Variants in PCDH15 observed in about 807,000 individuals in gnomAD.
PCDH15 encodes protocadherin-15.
PCDH15 carries 129 observed loss-of-function variants against 178.5 expected under a neutral mutation model. The observed-to-expected ratio is 0.72, with a 90% confidence interval of 0.63 to 0.84. The LOEUF is 0.84. PCDH15 is among the 40% of genes least tolerant of loss of function. The probability of loss-of-function intolerance (pLI) is 0.00; values close to 1 mark genes in which losing one functional copy is unlikely to be tolerated. For missense variants in PCDH15, 2,230 were observed against 2,099.9 expected (o/e 1.06, Z -1.21); for synonymous variants, 800 against 732.0 (o/e 1.09, Z -1.50).
At chr10:54,076,630 A>C (rs2094346986) in intron 17 of PCDH15, among the ~76,000 whole-genome samples, 1 of 152,144 alleles carries the variant, frequency 6.6e-6, no homozygotes, top group Non-Finnish European at 1.5e-5. Flanking sequence ...AGCTAAAAAA[A>C]AAATAAATTA....
At chr10:53,868,659 T>C (rs946146096) in intron 26 of PCDH15, among the ~76,000 whole-genome samples, 16 of 152,162 alleles carry the variant, frequency 1.1e-4, no homozygotes, top group African/African-American at 3.9e-4. Flanking sequence ...AGCAAATGTG[T>C]ATTAAATACA....
At chr10:54,932,256 T>G (rs1032579992) in intron 2 of PCDH15, among the ~76,000 whole-genome samples, 1 of 152,174 alleles carries the variant, frequency 6.6e-6, no homozygotes, top group Admixed American at 6.6e-5. Context: ...AACTTTCTAG[T>G]GGGATAAGAT....
At chr10:53,967,743 T>C (rs1315784137) in intron 21 of PCDH15, among the ~76,000 whole-genome samples, 1 of 152,194 alleles carries the variant, frequency 6.6e-6, no homozygotes, top group Non-Finnish European at 1.5e-5. Flanking sequence ...AATATGAAAA[T>C]TTTAAATATT....
At chr10:54,974,597 T>G (rs1839019816) in intron 2 of PCDH15, among the ~76,000 whole-genome samples, 1 of 152,062 alleles carries the variant, frequency 6.6e-6, no homozygotes, top group African/African-American at 2.4e-5. Flanking sequence ...TTTTACTTTC[T>G]TAACATTGAA....
intron 21 of PCDH15, among the ~76,000 whole-genome samples, chr10:53,965,128 G>A (rs1011544243): frequency 4.0e-5 from 6 of 150,316 alleles, no homozygotes; most frequent in African/African-American, 1.2e-4. Context: ...CACGATCTCC[G>A]CTCACTGCAA....
intron 1 of PCDH15, among the ~76,000 whole-genome samples, chr10:54,729,184 A>C (rs886740058): frequency 7.2e-5 from 11 of 151,778 alleles, no homozygotes; most frequent in Non-Finnish European, 1.5e-4. Context: ...ACAAGGCAAT[A>C]ATAACCAGAA....
chr10:55,077,406 C>CCTTCCTTA (rs1841925271), intron 2 of PCDH15, among the ~76,000 whole-genome samples: 1 of 41,584 alleles, frequency 2.4e-5, no homozygotes, highest in Admixed American at 2.5e-4. Flanking sequence ...TCTCTTCCTT[C>CCTTCCTTA]CTTCCTTCCT....
intron 2 of PCDH15, among the ~76,000 whole-genome samples, chr10:54,604,171 A>T (rs2092654032): frequency 6.6e-6 from 1 of 151,930 alleles, no homozygotes; most frequent in African/African-American, 2.4e-5. Context: ...TATCATCTTA[A>T]AGTTGAGTTG....
At chr10:54,226,526 C>A (rs1269619807) in intron 9 of PCDH15, among the ~76,000 whole-genome samples, 1 of 152,060 alleles carries the variant, frequency 6.6e-6, no homozygotes, top group East Asian at 1.9e-4. Context: ...TAGTGAGATC[C>A]CATCTCTAGG....
intron 17 of PCDH15, among the ~76,000 whole-genome samples, chr10:54,078,805 T>C (rs2094388505): frequency 6.6e-6 from 1 of 152,134 alleles, no homozygotes; most frequent in Non-Finnish European, 1.5e-5. Context: ...GAATTTATCT[T>C]CTTTGGAATT....
At chr10:54,127,071 C>T (rs2042050305) in intron 15 of PCDH15, among the ~76,000 whole-genome samples, 1 of 151,800 alleles carries the variant, frequency 6.6e-6, no homozygotes, top group Non-Finnish European at 1.5e-5. Flanking sequence ...AGATGTAAGT[C>T]CACAGGTTAA....
At chr10:55,091,852 C>A (rs1385366431) in intron 2 of PCDH15, among the ~76,000 whole-genome samples, 13 of 151,758 alleles carry the variant, frequency 8.6e-5, no homozygotes, top group Admixed American at 8.6e-4. Context: ...AAAAAACAAA[C>A]AAACAAAAAA....
At chr10:54,563,431 C>G (rs2133404817) in intron 2 of PCDH15, among the ~76,000 whole-genome samples, 1 of 152,214 alleles carries the variant, frequency 6.6e-6, no homozygotes, top group East Asian at 1.9e-4. Context: ...TCACTGACAA[C>G]AGGCCCAAAT....
At chr10:54,490,534 T>A (rs4582878) in intron 3 of PCDH15, among the ~76,000 whole-genome samples, 6 of 151,830 alleles carry the variant, frequency 4.0e-5, no homozygotes, top group Non-Finnish European at 7.4e-5. Flanking sequence ...AAAAAATTTT[T>A]AAAAAAGTTA....
chr10:54,740,932 A>T (rs940204694), intron 1 of PCDH15, among the ~76,000 whole-genome samples: 5 of 151,960 alleles, frequency 3.3e-5, no homozygotes, highest in African/African-American at 1.2e-4. Flanking sequence ...TATAGATAGA[A>T]GGCACAATTT....
At position 54,293,832 on chromosome 10, in the gene PCDH15, G is replaced by T. The variant is rs564695927; in HGVS notation, c.876+23439C>A. Among the ~76,000 whole-genome samples, 3 of 152,268 alleles carry T rather than the reference G, an allele frequency of 2.0e-5. No homozygotes were observed. In the South Asian group the frequency reaches 6.2e-4, roughly 32 times the overall value. Reference sequence around the variant, plus strand: ...GTCGGGAAACAACAGATGCTGGAGAGGATATGAAGAAATAGGCACACTTTT... The same window carrying T: ...GTCGGGAAACAACAGATGCTGGAGATGATATGAAGAAATAGGCACACTTTT... On this transcript the variant is annotated intron_variant, in intron 8 of 37. Transcript: ENST00000644397.
At chr10:53,816,939 C>G (rs2076080083) in intron 34 of PCDH15, among the ~76,000 whole-genome samples, 1 of 152,120 alleles carries the variant, frequency 6.6e-6, no homozygotes, top group Non-Finnish European at 1.5e-5. Context: ...CACCATTGAT[C>G]TGTTTCATAA....
intron 1 of PCDH15, among the ~76,000 whole-genome samples, chr10:55,281,525 G>A (rs896323005): frequency 6.6e-6 from 1 of 150,780 alleles, no homozygotes; most frequent in Non-Finnish European, 1.5e-5. Flanking sequence ...ATTTTCATAA[G>A]CAGATTCCGC....
At chr10:54,933,175 CTA>C (rs1837825098) in intron 2 of PCDH15, among the ~76,000 whole-genome samples, 3 of 150,746 alleles carry the variant, frequency 2.0e-5, no homozygotes, top group African/African-American at 7.3e-5. Context: ...TAAGTACACT[CTA>C]TGATGTTCAT....
Sources: allele counts gnomAD v4.1 joint callset (sites outside exome capture counted in the v4.1 genomes callset), GRCh38; gene constraint gnomAD v4.1.1; transcripts MANE v1.5; gene names NCBI Gene and HGNC (gene_info 2026-07-23, HGNC 2026-07-21).